The following MZT2A variants were observed in gnomAD, a reference collection of about 807,000 sequenced individuals.
MZT2A encodes mitotic-spindle organizing protein 2A.
Under a neutral mutation model 12.4 loss-of-function variants are expected in MZT2A, and 8 were observed. That is an observed-to-expected ratio of 0.64 (90% CI 0.38 to 1.16). The LOEUF (loss-of-function observed/expected upper bound fraction) is 1.16. Ranked by LOEUF, MZT2A falls within the 50% of genes most tolerant of loss-of-function variation. MZT2A has a pLI of 0.01. For synonymous variants in MZT2A, 88 were observed against 107.5 expected, an observed-to-expected ratio of 0.82 and a Z score of 1.12; for missense variants, 181 against 223.6, an observed-to-expected ratio of 0.81 and a Z score of 1.22.
rs370126973 is a variant in MZT2A, at chr2:131,475,208, T to C, written c.279-3026A>G. On this transcript the variant is annotated intron_variant and NMD_transcript_variant, in intron 2 of 4. Coordinates refer to the MZT2A transcript ENST00000427024. The stretch of plus-strand genomic sequence containing the variant: ...GTTGCCCAGGCTGGTCTTGAACTCC[T>C]GACCTGAAGCAGTCCTCCTGCCATG... Among the ~76,000 whole-genome samples, 3 of 151,926 alleles carry C rather than the reference T, an allele frequency of 2.0e-5. No individual in the cohort carries two copies. The East Asian group carries it at 5.8e-4, about 29-fold the overall frequency.
intron 2 of MZT2A, among the ~76,000 whole-genome samples, chr2:131,474,366 G>C (rs1198841377): frequency 1.3e-5 from 2 of 150,396 alleles, no homozygotes; most frequent in African/African-American, 4.9e-5. Flanking sequence ...CTAAGTGCTG[G>C]GATTACAGGC....
At chr2:131,477,033 C>CTTTTTTCT (rs778753012) in intron 2 of MZT2A, among the ~76,000 whole-genome samples, 258 of 139,248 alleles carry the variant, frequency 1.9e-3, no homozygotes, top group African/African-American at 6.1e-3. Flanking sequence ...CTTTCTTTTT[C>CTTTTTTCT]TTTCTTTTTT....
At chr2:131,481,053 G>A (rs1350160974), downstream of MZT2A, among the ~76,000 whole-genome samples, 11 of 151,582 alleles carry the variant, frequency 7.3e-5, no homozygotes, top group Admixed American at 2.6e-4. Flanking sequence ...ACAGGTACCC[G>A]CTACCACGCC....
At chr2:131,491,446 AT>A (rs1368118434) in intron 2 of MZT2A, 3 of 291,770 alleles carry the variant, frequency 1.0e-5, no homozygotes, top group African/African-American at 2.3e-5. Flanking sequence ...TTTGAAAAAC[AT>A]TTAGAGACAG....
chr2:131,479,715 C>G (rs191581755), downstream of MZT2A, among the ~76,000 whole-genome samples: 4 of 152,162 alleles, frequency 2.6e-5, no homozygotes, highest in Admixed American at 1.3e-4. Context: ...GGGCACACAC[C>G]TGTACTCCCA....
upstream of MZT2A, chr2:131,493,144 A>G: frequency 6.9e-7 from 1 of 1,450,736 alleles, no homozygotes; most frequent in Non-Finnish European, 9.1e-7. Context: ...CCCACAGGTG[A>G]GTGGCGCGGG....
intron 1 of MZT2A, 52 bp downstream of exon 1, chr2:131,492,155 G>A (rs1187586882): frequency 5.9e-6 from 9 of 1,536,542 alleles, no homozygotes; most frequent in Non-Finnish European, 7.9e-6. Context: ...TACCCGGAGA[G>A]CAGAGGTCGG....
intron 3 of MZT2A, among the ~76,000 whole-genome samples, chr2:131,471,645 G>A (rs1704988905): frequency 6.6e-6 from 1 of 150,996 alleles, no homozygotes; most frequent in Admixed American, 6.6e-5. Flanking sequence ...TAAGAGCAGG[G>A]GGCATGGTGT....
intron 2 of MZT2A, among the ~76,000 whole-genome samples, chr2:131,487,445 T>G (rs1679094076): frequency 1.3e-5 from 2 of 152,144 alleles, no homozygotes; most frequent in Admixed American, 6.5e-5. Flanking sequence ...GCCACTGCAC[T>G]CCAGCCTGGG....
chr2:131,479,201 T>C (rs1484252068), downstream of MZT2A: 17 of 1,499,714 alleles, frequency 1.1e-5, no homozygotes, highest in Admixed American at 4.3e-5. Context: ...ATGTAGGTCA[T>C]GTACTTTGAA....
chr2:131,478,952 C>T (rs1678760460), intron 2 of MZT2A, among the ~76,000 whole-genome samples: 1 of 152,162 alleles, frequency 6.6e-6, no homozygotes, highest in South Asian at 2.1e-4. Context: ...TCACACTGAC[C>T]TGGTGACTGC....
intron 2 of MZT2A, chr2:131,491,317 A>G (rs1301790962): frequency 3.5e-6 from 1 of 289,854 alleles, no homozygotes; most frequent in Non-Finnish European, 6.7e-6. Flanking sequence ...CTCTTCCTGC[A>G]ATCATCAGAG....
At chr2:131,483,397 A>G (rs1678924836), downstream of MZT2A, among the ~76,000 whole-genome samples, 1 of 152,160 alleles carries the variant, frequency 6.6e-6, no homozygotes, top group African/African-American at 2.4e-5. Flanking sequence ...TGCTGACCCC[A>G]GTGCTCCACA....
upstream of MZT2A, chr2:131,493,148 G>C: frequency 6.9e-7 from 1 of 1,442,728 alleles, no homozygotes; most frequent in African/African-American, 1.4e-5. Flanking sequence ...CAGGTGAGTG[G>C]CGCGGGACGC....
intron 2 of MZT2A, chr2:131,476,118 G>A (rs1678656837): frequency 6.2e-7 from 1 of 1,609,836 alleles, no homozygotes; most frequent in Non-Finnish European, 8.5e-7. Context: ...GCACAGGCAG[G>A]AGGTTGCAGT....
At chr2:131,475,307 C>T (rs1224980709) in intron 2 of MZT2A, among the ~76,000 whole-genome samples, 1 of 145,270 alleles carries the variant, frequency 6.9e-6, no homozygotes, top group Non-Finnish European at 1.5e-5. Context: ...GTTAATTTTG[C>T]CTCCTTTCTT....
chr2:131,488,026 C>T (rs1007433287), intron 2 of MZT2A, among the ~76,000 whole-genome samples: 1 of 152,162 alleles, frequency 6.6e-6, no homozygotes, highest in Non-Finnish European at 1.5e-5. Context: ...CTCGGCCTCC[C>T]AAGGTGTGGT....
Position 131,492,056 on chromosome 2 carries a change from C to G in MZT2A, c.171-32G>C. 3.2e-6 allele frequency: 5 copies of G among 1,557,028 alleles called. No individual in the cohort carries two copies. The South Asian group carries it at 5.9e-5, about 18-fold the overall frequency. On this transcript the variant is annotated intron_variant, in intron 1 of 2. Transcript: ENST00000309451. ...GGGACAGACGCGGGGCCGGTGAGCC[C>G]TCTCCGCCCGGCGCGGCCACCTCCC...
upstream of MZT2A, chr2:131,493,086 G>C (rs1226759606): frequency 4.7e-6 from 7 of 1,495,248 alleles, no homozygotes; most frequent in African/African-American, 1.4e-5. Flanking sequence ...GTTTTGGCGC[G>C]GTGGCGGAAT....
Sources: gnomAD v4.1 joint callset for allele counts (sites outside exome capture counted in the v4.1 genomes callset) on GRCh38, gnomAD v4.1.1 for gene constraint, MANE v1.5 for transcripts, NCBI Gene and HGNC (gene_info 2026-07-23, HGNC 2026-07-21) for gene names.